Variants in CLVS1 observed in about 807,000 individuals in gnomAD.
The protein encoded by CLVS1 is clavesin 1.
In CLVS1, 10 loss-of-function variants were observed where a neutral mutation model predicts 33.1. The observed-to-expected ratio is 0.30, with a 90% CI of 0.19 to 0.51. CLVS1 has a LOEUF of 0.51. Among genes scored for constraint, CLVS1 ranks in the 20% least tolerant of loss-of-function variants. The probability of loss-of-function intolerance (pLI) is 0.97; values close to 1 mark genes in which losing one functional copy is unlikely to be tolerated. For missense variants in CLVS1, 343 were observed against 433.4 expected (o/e 0.79, Z 1.85); for synonymous variants, 163 against 166.1 (o/e 0.98, Z 0.14).
intron 3 of CLVS1, among the ~76,000 whole-genome samples, chr8:61,419,082 G>A (rs186943617): frequency 1.4e-4 from 22 of 152,222 alleles, no homozygotes; most frequent in Admixed American, 1.4e-3. Context: ...AACAAATGAA[G>A]GCACAAACAA....
chr8:61,131,022 C>T (rs1331576587), intron 1 of CLVS1, among the ~76,000 whole-genome samples: 1 of 152,126 alleles, frequency 6.6e-6, no homozygotes, highest in Non-Finnish European at 1.5e-5. Flanking sequence ...TTTTCTACTT[C>T]GAGGTTATTT....
chr8:61,021,417 C>T, the CLVS1 span, among the ~76,000 whole-genome samples: 1 of 152,166 alleles, frequency 6.6e-6, no homozygotes, highest in African/African-American at 2.4e-5. Context: ...ATGGCGCGAT[C>T]TCAGTTTACT....
At chr8:61,357,237 C>G (rs1281342245) in intron 2 of CLVS1, among the ~76,000 whole-genome samples, 1 of 151,950 alleles carries the variant, frequency 6.6e-6, no homozygotes, top group African/African-American at 2.4e-5. Context: ...TAGGCTAAGC[C>G]AAAATTTAAG....
At chr8:61,212,461 A>G (rs895050913) in intron 2 of CLVS1, among the ~76,000 whole-genome samples, 3 of 152,166 alleles carry the variant, frequency 2.0e-5, no homozygotes, top group Non-Finnish European at 4.4e-5. Context: ...CAGGGTACTG[A>G]GGCTGGCGCT....
chr8:61,242,597 C>T (rs75875651), intron 2 of CLVS1, among the ~76,000 whole-genome samples: 95 of 152,202 alleles, frequency 6.2e-4, no homozygotes, highest in Non-Finnish European at 1.1e-3. Context: ...CAAGACCAGC[C>T]AGGGCAACAT....
At chr8:61,122,313 A>T (rs190710300) in intron 1 of CLVS1, among the ~76,000 whole-genome samples, 52 of 152,340 alleles carry the variant, frequency 3.4e-4, no homozygotes, top group African/African-American at 1.2e-3. Flanking sequence ...GTAACTACAT[A>T]AATAATGTTA....
Position 61,441,881 on chromosome 8 carries a change from A to G in CLVS1, c.631-12260A>G, listed in dbSNP as rs1031329384. Reference sequence around the variant, plus strand: ...TCACTTAACACTGTCTGAGACTCCTAAAGAAAATCAAGAGATTCTGAGACT... The same window carrying G: ...TCACTTAACACTGTCTGAGACTCCTGAAGAAAATCAAGAGATTCTGAGACT... On this transcript the variant is annotated intron_variant, in intron 3 of 5. Transcript: ENST00000325897. Among the ~76,000 whole-genome samples, 82 of 152,320 alleles carry G rather than the reference A, an allele frequency of 5.4e-4. 1 individual carries two copies. The highest frequency in any genetic ancestry group is 1.8e-3 in the African/African-American group (76 of 41,580).
At chr8:61,301,155 A>G (rs992343445) in intron 2 of CLVS1, 2 of 152,220 alleles carry the variant, frequency 1.3e-5, no homozygotes, top group Non-Finnish European at 1.5e-5. Flanking sequence ...TGACCTGCAA[A>G]GCTATCGAAA....
intron 3 of CLVS1, among the ~76,000 whole-genome samples, chr8:61,408,414 C>T (rs2129603901): frequency 6.6e-6 from 1 of 152,284 alleles, no homozygotes; most frequent in Admixed American, 6.5e-5. Flanking sequence ...CAAGTGGAAG[C>T]TTTCTCCTTC....
intron 2 of CLVS1, among the ~76,000 whole-genome samples, chr8:61,199,867 G>T (rs1444341512): frequency 2.0e-5 from 3 of 152,110 alleles, no homozygotes; most frequent in East Asian, 1.9e-4. Context: ...ACCTTTGTGG[G>T]TTAGTGTCCA....
intron 1 of CLVS1, among the ~76,000 whole-genome samples, chr8:61,072,713 T>C (rs1481422685): frequency 6.6e-6 from 1 of 152,222 alleles, no homozygotes; most frequent in Non-Finnish European, 1.5e-5. Context: ...ATGGTGCTCA[T>C]GTAATGAATG....
chr8:61,498,171 A>G (rs1469025498), intron 5 of CLVS1, among the ~76,000 whole-genome samples: 1 of 152,172 alleles, frequency 6.6e-6, no homozygotes, highest in Non-Finnish European at 1.5e-5. Context: ...AGCACCTCTG[A>G]CACTCTTACT....
At chr8:61,183,871 G>A (rs1374590951) in intron 2 of CLVS1, among the ~76,000 whole-genome samples, 1 of 152,150 alleles carries the variant, frequency 6.6e-6, no homozygotes, top group East Asian at 1.9e-4. Flanking sequence ...ATGACCCTTA[G>A]CAGAGCAACG....
In CLVS1 at chr8:61,088,105, G is replaced by T. The variant is rs146417721; in HGVS notation, c.-243+30875G>T. Among the ~76,000 whole-genome samples, 73 of 152,232 alleles carry T rather than the reference G, an allele frequency of 4.8e-4. No homozygotes were observed. In the East Asian group the frequency reaches 0.014, roughly 29 times the overall value. Reference sequence around the variant, plus strand: ...ATATGTATGCATTTTTCAATTAATTGTGTGCTTCACTGATTCATCCATATT... The same window carrying T: ...ATATGTATGCATTTTTCAATTAATTTTGTGCTTCACTGATTCATCCATATT... On this transcript the variant is annotated intron_variant, in intron 1 of 2. Transcript: ENST00000522621.
At position 61,297,749 on chromosome 8, in the gene CLVS1, G is replaced by C. The variant is rs546989701; in HGVS notation, c.-151-1928G>C. Among the ~76,000 whole-genome samples, 5 of 152,192 alleles carry C rather than the reference G, an allele frequency of 3.3e-5. No individual in the cohort carries two copies. In the East Asian group the frequency reaches 7.7e-4, roughly 24 times the overall value. ...TAGCATTGAAGGTGTGAGCACAGAA[G>C]GAGAAGATGGAGTAGAGAGGGACAA... On this transcript the variant is annotated intron_variant, in intron 1 of 5. Transcript: ENST00000325897.
At chr8:60,989,236 A>G in the CLVS1 span, among the ~76,000 whole-genome samples, 15 of 151,966 alleles carry the variant, frequency 9.9e-5, no homozygotes, top group African/African-American at 2.4e-4. Flanking sequence ...GCTGGAGTGC[A>G]ATGGCGTGAT....
At chr8:61,416,399 A>G (rs1336363010) in intron 3 of CLVS1, among the ~76,000 whole-genome samples, 2 of 152,030 alleles carry the variant, frequency 1.3e-5, no homozygotes, top group Non-Finnish European at 2.9e-5. Flanking sequence ...GGTGGGGAAA[A>G]TAATGAATTT....
intron 1 of CLVS1, among the ~76,000 whole-genome samples, chr8:61,081,875 T>G (rs1373125430): frequency 6.6e-6 from 1 of 152,226 alleles, no homozygotes; most frequent in East Asian, 1.9e-4. Context: ...GAACCAGTAT[T>G]GGGTTCCTTT....
chr8:61,169,603 A>G (rs544760326), intron 2 of CLVS1, among the ~76,000 whole-genome samples: 3 of 152,292 alleles, frequency 2.0e-5, no homozygotes, highest in African/African-American at 7.2e-5. Flanking sequence ...ACTCTTTCTT[A>G]CCACTGCCCC....
Sources: gnomAD v4.1 joint callset for allele counts (sites outside exome capture counted in the v4.1 genomes callset) on GRCh38, gnomAD v4.1.1 for gene constraint, MANE v1.5 for transcripts, NCBI Gene and HGNC (gene_info 2026-07-23, HGNC 2026-07-21) for gene names.